The following CELF1 variants were observed in gnomAD, a reference collection of about 807,000 sequenced individuals.
CELF1 encodes CUGBP Elav-like family member 1.
Under a neutral mutation model 61.8 loss-of-function variants are expected in CELF1, and 10 were observed. That is an observed-to-expected ratio of 0.16 (90% CI 0.10 to 0.27). CELF1 has a LOEUF of 0.27. CELF1 is among the 10% of genes least tolerant of loss of function. CELF1 has a pLI of 1.00. For missense variants in CELF1, 380 were observed against 639.1 expected (o/e 0.59, Z 4.37); for synonymous variants, 236 against 225.1 (o/e 1.05, Z -0.43).
At chr11:47,480,742 T>TC (rs1304774319) in intron 9 of CELF1, among the ~76,000 whole-genome samples, 1 of 152,200 alleles carries the variant, frequency 6.6e-6, no homozygotes, top group Non-Finnish European at 1.5e-5. Context: ...CAATTTTTTC[T>TC]GTTGAAATAT....
intron 1 of CELF1, among the ~76,000 whole-genome samples, chr11:47,542,061 T>C (rs1288496839): frequency 2.6e-5 from 4 of 152,092 alleles, no homozygotes; most frequent in Non-Finnish European, 4.4e-5. Context: ...ATAAAGTTAG[T>C]GGAGAGTTCT....
intron 1 of CELF1, among the ~76,000 whole-genome samples, chr11:47,522,982 C>T (rs1459382742): frequency 6.6e-6 from 1 of 152,004 alleles, no homozygotes; most frequent in African/African-American, 2.4e-5. Flanking sequence ...ACAGATCTTG[C>T]ACCTCCAACT....
At chr11:47,476,301 T>G (rs997586264) in intron 12 of CELF1, among the ~76,000 whole-genome samples, 1 of 152,148 alleles carries the variant, frequency 6.6e-6, no homozygotes, top group Non-Finnish European at 1.5e-5. Flanking sequence ...CTCATTTAAT[T>G]TTTAACAATC....
At chr11:47,544,514 C>T (rs112611174) in intron 1 of CELF1, among the ~76,000 whole-genome samples, 4 of 152,294 alleles carry the variant, frequency 2.6e-5, no homozygotes, top group African/African-American at 9.6e-5. Context: ...TTTATAAAGC[C>T]CATTCAAGTC....
At chr11:47,485,358 A>G (rs1232953286) in intron 6 of CELF1, among the ~76,000 whole-genome samples, 1 of 151,900 alleles carries the variant, frequency 6.6e-6, no homozygotes, top group Non-Finnish European at 1.5e-5. Flanking sequence ...TTTTTTGCAG[A>G]GAGGTTTCAC....
intron 1 of CELF1, among the ~76,000 whole-genome samples, chr11:47,508,697 C>CACAT (rs1555179682): frequency 1.4e-5 from 2 of 147,296 alleles, no homozygotes; most frequent in Non-Finnish European, 3.0e-5. Context: ...CACACACACA[C>CACAT]ATAAATAAAC....
At chr11:47,545,281 T>C (rs2096903688) in intron 1 of CELF1, among the ~76,000 whole-genome samples, 1 of 152,014 alleles carries the variant, frequency 6.6e-6, no homozygotes, top group Admixed American at 6.6e-5. Flanking sequence ...AATACAAAAA[T>C]TAGCCGGGCA....
intron 1 of CELF1, among the ~76,000 whole-genome samples, chr11:47,517,616 T>C (rs2095628277): frequency 6.6e-6 from 1 of 152,070 alleles, no homozygotes; most frequent in African/African-American, 2.4e-5. Context: ...GAACAGTGGT[T>C]GAATTGTTTA....
At chr11:47,483,590 C>A in intron 7 of CELF1, 58 bp from the exon 8 acceptor site, 1 of 1,277,796 alleles carries the variant, frequency 7.8e-7, no homozygotes, top group Non-Finnish European at 1.1e-6. Flanking sequence ...CAAACATTAA[C>A]TGAGCACCTA....
At position 47,483,545 on chromosome 11, in the gene CELF1, G is replaced by T; in HGVS notation, c.527-13C>A. On this transcript the variant is annotated splice_polypyrimidine_tract_variant and intron_variant, in intron 7 of 14. Coordinates refer to ENST00000687097, the MANE Select transcript of CELF1 (RefSeq NM_001376376.1). ...ACAAATGCACAACCTGGTAAGAGAA[G>T]AGTCAGTAACTCATGCATTCATTTA... 1 of 1,605,232 alleles carries T rather than the reference G, an allele frequency of 6.2e-7. No homozygotes were observed. The highest frequency in any genetic ancestry group is 1.1e-5 in the South Asian group (1 of 90,890).
At chr11:47,543,301 T>C (rs1458968263) in intron 1 of CELF1, among the ~76,000 whole-genome samples, 4 of 151,920 alleles carry the variant, frequency 2.6e-5, no homozygotes, top group Non-Finnish European at 5.9e-5. Context: ...CTTGGGAGGC[T>C]GAGGTGGGGA....
rs893295019 is a variant in CELF1, at chr11:47,471,955, G to A, written c.*275C>T. The A allele has an allele frequency of 8.9e-6, 3 of 337,976 alleles. No homozygotes were observed. Among genetic ancestry groups the A allele is most frequent in the Non-Finnish European group, 1.7e-5 (3 of 180,272 alleles). The allele number at this position is 337,976 out of a possible 1,614,324, so 20.9% of individuals were successfully genotyped here. A position where few individuals can be genotyped will look rare whatever the true frequency, so the allele number is the denominator to read the frequency against. ...CAAACACAGCAAACTTTAAATAAAG[G>A]AGAAACAAAAACAAAAACAAAAAAA... On this transcript the variant is annotated 3_prime_UTR_variant, in exon 15 of 15. Transcript: ENST00000687097.
At chr11:47,479,926 G>A (rs939677324) in intron 9 of CELF1, among the ~76,000 whole-genome samples, 1 of 151,946 alleles carries the variant, frequency 6.6e-6, no homozygotes, top group East Asian at 1.9e-4. Context: ...GGGAAAAAAT[G>A]CACCTATACA....
intron 1 of CELF1, among the ~76,000 whole-genome samples, chr11:47,533,004 C>G (rs1272635379): frequency 6.6e-6 from 1 of 152,020 alleles, no homozygotes; most frequent in Non-Finnish European, 1.5e-5. Flanking sequence ...TACACAGTGA[C>G]AAGTTGTAAG....
At position 47,506,379 on chromosome 11, in the gene CELF1, A is replaced by T. The variant is rs1298967738; in HGVS notation, c.-153-5447T>A. Reference sequence around the variant, plus strand: ...GAGGCGGAGGGGTTGCAGTGAGCCAAGATCGCGCCACTGCTCTCCAGCCTG... The same window carrying T: ...GAGGCGGAGGGGTTGCAGTGAGCCATGATCGCGCCACTGCTCTCCAGCCTG... On this transcript the variant is annotated intron_variant, in intron 1 of 14. Transcript: ENST00000687097. Among the ~76,000 whole-genome samples the T allele has an allele frequency of 2.1e-3, 305 of 142,262 alleles. 6 individuals are homozygous for T. The highest frequency in any genetic ancestry group is 0.015 in the Middle Eastern group (4 of 264). 93.3% of individuals were successfully genotyped at this position (142,262 alleles called of 152,430 possible). A position where few individuals can be genotyped will look rare whatever the true frequency, so the allele number is the denominator to read the frequency against.
chr11:47,479,694 AC>A (rs2081942395), intron 9 of CELF1, among the ~76,000 whole-genome samples: 1 of 152,226 alleles, frequency 6.6e-6, no homozygotes, highest in Non-Finnish European at 1.5e-5. Flanking sequence ...ATATTGGCAA[AC>A]CACAACCTTC....
intron 1 of CELF1, among the ~76,000 whole-genome samples, chr11:47,526,178 A>T (rs1423402850): frequency 6.6e-6 from 1 of 152,052 alleles, no homozygotes; most frequent in Non-Finnish European, 1.5e-5. Context: ...AAAAATACAA[A>T]ATTAGCCAGG....
chr11:47,489,935 G>GTTGTTTTTTTTT (rs1555170252), intron 3 of CELF1, among the ~76,000 whole-genome samples: 1 of 48,226 alleles, frequency 2.1e-5, no homozygotes, highest in African/African-American at 7.8e-5. Flanking sequence ...ATACCATCTT[G>GTTGTTTTTTTTT]TTTTTTTTTT....
intron 1 of CELF1, among the ~76,000 whole-genome samples, chr11:47,529,845 G>C (rs1049709280): frequency 6.6e-6 from 1 of 152,002 alleles, no homozygotes; most frequent in African/African-American, 2.4e-5. Flanking sequence ...TACTTGGGCA[G>C]GGGACAGGAC....
Sources: allele counts gnomAD v4.1 joint callset (sites outside exome capture counted in the v4.1 genomes callset), GRCh38; gene constraint gnomAD v4.1.1; transcripts MANE v1.5; gene names NCBI Gene and HGNC (gene_info 2026-07-23, HGNC 2026-07-21).